Variants in SPTA1 observed in about 807,000 individuals in gnomAD.
SPTA1 encodes the protein spectrin alpha, erythrocytic 1.
SPTA1 carries 177 observed loss-of-function variants against 324.7 expected under a neutral mutation model. The observed-to-expected ratio is 0.55, with a 90% CI of 0.48 to 0.62. The LOEUF is 0.62. SPTA1 is among the 20% of genes least tolerant of loss of function. SPTA1 has a pLI of 0.00. For synonymous variants in SPTA1, 1,195 were observed against 1,041.3 expected (o/e 1.15, Z -2.84); for missense variants, 3,162 against 2,883.6 (o/e 1.10, Z -2.21).
At chr1:158,643,259 C>A in intron 31 of SPTA1, 63 bp downstream of exon 31, 1 of 1,571,636 alleles carries the variant, frequency 6.4e-7, no homozygotes, top group Admixed American at 1.7e-5. Flanking sequence ...CATCTCAATG[C>A]TAGCAAAAAG....
rs761767743 is a variant in SPTA1, at chr1:158,674,531, C to CT, written c.1248+8dup. ...CCCCTCCTCCTACTGGGCAGCCTTT[C>CT]TTCTCTACCTTATGCTGCTGATGCC... On this transcript the variant is annotated intron_variant, in intron 9 of 51. Coordinates refer to ENST00000643759, the MANE Select transcript of SPTA1 (RefSeq NM_003126.4). 1 of 1,614,118 alleles carries CT rather than the reference C, an allele frequency of 6.2e-7. No individual in the cohort carries two copies. Among genetic ancestry groups the CT allele is most frequent in the East Asian group, 2.2e-5 (1 of 44,868 alleles).
In SPTA1 at chr1:158,627,609, T is replaced by G; in HGVS notation, c.5664+16A>C. The G allele has an allele frequency of 1.2e-6, 2 of 1,611,962 alleles. No homozygotes were observed. The highest frequency in any genetic ancestry group is 1.7e-6 in the Non-Finnish European group (2 of 1,178,366). On this transcript the variant is annotated intron_variant, in intron 40 of 51. Transcript: ENST00000643759. ...GGAGAATGGAAGTTTGAGCTGGAAT[T>G]CCTGAACTAGCTCACCTTATTTAGG...
chr1:158,667,750 A>C, intron 15 of SPTA1, 108 bp downstream of exon 15: 1 of 1,176,076 alleles, frequency 8.5e-7, no homozygotes, highest in Non-Finnish European at 1.2e-6. Context: ...GCAAATGAGT[A>C]GTATACCTTC....
At chr1:158,684,283 G>A (rs1268619102) in intron 2 of SPTA1, among the ~76,000 whole-genome samples, 2 of 152,030 alleles carry the variant, frequency 1.3e-5, no homozygotes, top group Non-Finnish European at 2.9e-5. Context: ...TAGCAATTGA[G>A]TTAACCAGGT....
intron 21 of SPTA1, among the ~76,000 whole-genome samples, chr1:158,654,307 A>G (rs1177885809): frequency 1.3e-5 from 2 of 152,176 alleles, no homozygotes; most frequent in Non-Finnish European, 2.9e-5. Flanking sequence ...AGAAAGAAAG[A>G]GACAGCTTAG....
Position 158,672,141 on chromosome 1 carries a change from T to C in SPTA1, c.1406A>G (p.His469Arg). ...TALLELWDER[H>R]RQYEQCLDFH... ...GTCCAAGCACTGCTCATACTGACGA[T>C]GACGCTCGTCCCACAGTTCCAGCAG... Residue 469 changes from histidine (H) to arginine (R), a missense_variant, in exon 11 of 52, where the codon CAT becomes CGT. Transcript: ENST00000643759. The C allele has an allele frequency of 3.7e-6, 6 of 1,614,106 alleles. No homozygotes were observed. The highest frequency in any genetic ancestry group is 5.1e-6 in the Non-Finnish European group (6 of 1,179,990).
At position 158,645,399 on chromosome 1, in the gene SPTA1, G is replaced by T; in HGVS notation, c.3997-14C>A. ...AGCACGGTGCTCCTGTGGGAAAAAG[G>T]GGGAAGAAATCAGTGAGGCCAACTC... On this transcript the variant is annotated splice_polypyrimidine_tract_variant and intron_variant, in intron 28 of 51. Transcript: ENST00000643759. The T allele has an allele frequency of 6.2e-7, 1 of 1,613,942 alleles. No homozygotes were observed. Among genetic ancestry groups the T allele is most frequent in the Non-Finnish European group, 8.5e-7 (1 of 1,179,918 alleles).
intron 27 of SPTA1, among the ~76,000 whole-genome samples, chr1:158,646,783 T>A (rs1279026309): frequency 6.6e-6 from 1 of 152,156 alleles, no homozygotes; most frequent in East Asian, 1.9e-4. Context: ...CCTTTTTTCT[T>A]GAAAAGCATT....
chr1:158,641,438 A>G (rs1360336554), intron 33 of SPTA1, among the ~76,000 whole-genome samples: 2 of 152,236 alleles, frequency 1.3e-5, no homozygotes. Context: ...TCCAGAATCT[A>G]CAATGAACTC....
chr1:158,623,896 G>T (rs1393178604), intron 42 of SPTA1, among the ~76,000 whole-genome samples: 2 of 152,166 alleles, frequency 1.3e-5, no homozygotes. Flanking sequence ...TGGGCCCAGG[G>T]CTCCCTGATT....
intron 35 of SPTA1, among the ~76,000 whole-genome samples, chr1:158,638,622 T>A (rs11265042): frequency 6.6e-6 from 1 of 151,398 alleles, no homozygotes; most frequent in South Asian, 2.1e-4. Context: ...TCAAGACCAC[T>A]GTGGCCAACA....
intron 10 of SPTA1, among the ~76,000 whole-genome samples, chr1:158,672,763 T>G (rs1157154573): frequency 1.3e-5 from 2 of 152,096 alleles, no homozygotes. Flanking sequence ...CCCAAGAATT[T>G]CCAGCTTGTT....
chr1:158,678,401 C>T lies in SPTA1; in HGVS notation c.812G>A (p.Arg271Lys), dbSNP rs1269227126. 2 of 1,613,370 alleles carry T rather than the reference C, an allele frequency of 1.2e-6. No homozygotes were observed. Among genetic ancestry groups the T allele is most frequent in the African/African-American group, 1.3e-5 (1 of 74,850 alleles). The change falls in exon 6 of 52, where the codon AGG (arginine) becomes AAG (lysine). Residue 271 changes from arginine to lysine, a missense_variant and splice_region_variant. By Grantham distance (26) the Arg-to-Lys change is conservative (BLOSUM62 2). Coordinates refer to ENST00000643759, the MANE Select transcript of SPTA1 (RefSeq NM_003126.4). ...SNAANLQRFK[R>K]DVTEAIQWIK... ...TATAAAGCAGTGGCCAGATCCATAC[C>T]TTTTGAATCGTTGTAAGTTTGCAGC...
chr1:158,659,310 A>G (rs1653037420), intron 18 of SPTA1, among the ~76,000 whole-genome samples: 2 of 152,128 alleles, frequency 1.3e-5, no homozygotes, highest in South Asian at 4.1e-4. Context: ...AAAAAAATCT[A>G]TATTTTAATT....
In SPTA1 at chr1:158,645,552, T is replaced by C. The variant is rs1651936770; in HGVS notation, c.3939A>G (p.Ser1313=). The change falls in exon 28 of 52, where the codon TCA becomes TCG. Residue 1313 remains serine (S), a synonymous_variant. Transcript: ENST00000643759. ...NWISSIGGMV[S]SQELAEDLTG... is the part of the protein sequence containing the mutation. Reference sequence around the variant, plus strand: ...TTAAGTCTTCGGCCAGCTCCTGTGATGATACCATGCCACCAATGCTACTGA... The same window carrying C: ...TTAAGTCTTCGGCCAGCTCCTGTGACGATACCATGCCACCAATGCTACTGA... The C allele has an allele frequency of 1.2e-6, 2 of 1,614,058 alleles. No individual in the cohort carries two copies. Among genetic ancestry groups the C allele is most frequent in the Non-Finnish European group, 1.7e-6 (2 of 1,179,934 alleles).
chr1:158,617,917 A>G (rs945042073), intron 46 of SPTA1, 122 bp downstream of exon 46: 3 of 1,000,364 alleles, frequency 3.0e-6, no homozygotes, highest in Admixed American at 3.9e-5. Flanking sequence ...CTCACTCCAC[A>G]TTTTTATTTA....
At chr1:158,638,590 G>A (rs527282160) in intron 35 of SPTA1, among the ~76,000 whole-genome samples, 4 of 152,044 alleles carry the variant, frequency 2.6e-5, no homozygotes, top group African/African-American at 9.6e-5. Flanking sequence ...GGCCAAGGCG[G>A]TTGGATCAAG....
chr1:158,660,364 G>A (rs1225523556), intron 18 of SPTA1, among the ~76,000 whole-genome samples: 1 of 152,138 alleles, frequency 6.6e-6, no homozygotes, highest in African/African-American at 2.4e-5. Context: ...TCAAAAGATA[G>A]CTCATGTGGC....
intron 42 of SPTA1, among the ~76,000 whole-genome samples, chr1:158,623,755 T>C (rs890985119): frequency 5.9e-5 from 9 of 152,226 alleles, no homozygotes; most frequent in African/African-American, 1.7e-4. Flanking sequence ...GTCTTGGGTA[T>C]GTCTTTATTA....
Sources: gnomAD v4.1 joint callset for allele counts (sites outside exome capture counted in the v4.1 genomes callset) on GRCh38, gnomAD v4.1.1 for gene constraint, MANE v1.5 for transcripts, NCBI Gene and HGNC (gene_info 2026-07-23, HGNC 2026-07-21) for gene names.